The following TLR1 variants were observed in gnomAD, a reference collection of about 807,000 sequenced individuals.
The protein encoded by TLR1 is toll-like receptor 1.
In TLR1, 19 loss-of-function variants were observed where a neutral mutation model predicts 20.2. That is an observed-to-expected ratio of 0.94 (90% confidence interval 0.66 to 1.38). The LOEUF is 1.38. Ranked by LOEUF, TLR1 falls within the 40% of genes most tolerant of loss-of-function variation. The pLI is 0.00. For synonymous variants in TLR1, 320 were observed against 334.5 expected (o/e 0.96, Z 0.47); for missense variants, 921 against 910.0 (o/e 1.01, Z -0.16).
chr4:38,790,509 C>T (rs1194606195), downstream of TLR1, among the ~76,000 whole-genome samples: 2 of 152,050 alleles, frequency 1.3e-5, no homozygotes, highest in African/African-American at 4.8e-5. Flanking sequence ...TCTCTGGAAG[C>T]TTTTACTATT....
rs149065118 is a variant in TLR1, at chr4:38,797,138, G to C, written c.1694C>G (p.Thr565Ser). The C allele has an allele frequency of 2.0e-4, 326 of 1,614,198 alleles. 2 individuals carry two copies. The African/African-American group carries it at 3.7e-3, about 18-fold the overall frequency. Reference sequence around the variant, plus strand: ...AGACATGTGAAAGTCCTTTAGTAGGGTTCCTCTATAACTTTCCGGGTAGTC... The same window carrying C: ...AGACATGTGAAAGTCCTTTAGTAGGCTTCCTCTATAACTTTCCGGGTAGTC... Reference protein sequence around the residue: ...KCDYPESYRGTLLKDFHMSEL... With the variant: ...KCDYPESYRGSLLKDFHMSEL... Residue 565 changes from threonine to serine, a missense_variant, in exon 4 of 4, where the codon ACC (threonine) becomes AGC (serine). Coordinates refer to ENST00000308979, the MANE Select transcript of TLR1 (RefSeq NM_003263.4).
At chr4:38,800,341 T>C (rs757458681) in intron 3 of TLR1, 1 of 152,224 alleles carries the variant, frequency 6.6e-6, no homozygotes, top group Non-Finnish European at 1.5e-5. Flanking sequence ...CCAAAAATGA[T>C]GAGAGGGTGG....
In TLR1 at chr4:38,796,535, C is replaced by T. The variant is rs1255138533; in HGVS notation, c.2297G>A (p.Gly766Asp). Residue 766 changes from glycine (G) to aspartate (D), a missense_variant, in exon 4 of 4, where the codon GGC becomes GAC. Physicochemically the swap from Gly to Asp is moderately conservative, Grantham distance 94. Coordinates refer to ENST00000308979, the MANE Select transcript of TLR1 (RefSeq NM_003263.4). ...TGCCCTTAAGTTAGCCCAAAAAAGG[C>T]CACGTTTGCTCTTTTCCTTGGGCCA... The part of the protein sequence containing the change: ...LEWPKEKSKR[G>D]LFWANLRAAI... 6.2e-7 allele frequency: 1 copy of T among 1,614,126 alleles called. No individual in the cohort carries two copies. Among genetic ancestry groups the T allele is most frequent in the Non-Finnish European group, 8.5e-7 (1 of 1,179,994 alleles).
Position 38,798,683 on chromosome 4 carries a change from A to G in TLR1, c.149T>C (p.Leu50Ser). The G allele has an allele frequency of 6.2e-7, 1 of 1,614,072 alleles. No homozygotes were observed. The highest frequency in any genetic ancestry group is 1.1e-5 in the South Asian group (1 of 91,054). The part of the protein sequence containing the change: ...PKDLSQKTTI[L>S]NISQNYISEL... ...AGATATATAATTTTGCGATATATTT[A>G]AGATTGTTGTTTTCTGGGATAGGTC... The change falls in exon 4 of 4, where the codon TTA (leucine) becomes TCA (serine). Residue 50 changes from leucine to serine, a missense_variant. Leu to Ser is a moderately radical substitution (Grantham distance 145). Transcript: ENST00000308979.
chr4:38,797,521 G>A lies in TLR1; in HGVS notation c.1311C>T (p.Asp437=). The A allele has an allele frequency of 2.5e-6, 4 of 1,614,130 alleles. No homozygotes were observed. The highest frequency in any genetic ancestry group is 3.4e-6 in the Non-Finnish European group (4 of 1,180,030). ...TGGGAGGTAAACATCTGAAAATAGT[G>A]TCAGTAAGTATATTTGAAGACATAT... ...SLNMSSNILT[D]TIFRCLPPRI... Residue 437 remains aspartate, a synonymous_variant, in exon 4 of 4, where the codon GAC becomes GAT. Transcript: ENST00000308979.
chr4:38,798,967 G>T, intron 3 of TLR1, 69 bp from the exon 4 acceptor site: 1 of 814,616 alleles, frequency 1.2e-6, no homozygotes. Context: ...ATTAGTCATG[G>T]CTGACATTAA....
chr4:38,799,742 T>C (rs1159800447), intron 3 of TLR1, among the ~76,000 whole-genome samples: 4 of 152,230 alleles, frequency 2.6e-5, no homozygotes, highest in Non-Finnish European at 4.4e-5. Flanking sequence ...TTATGACCTA[T>C]ACACGGTTTG....
At chr4:38,804,535 G>A (rs1379655246) in intron 1 of TLR1, among the ~76,000 whole-genome samples, 153 bp from the exon 2 acceptor site, 1 of 152,142 alleles carries the variant, frequency 6.6e-6, no homozygotes. Flanking sequence ...AATCACACAC[G>A]AGGTGTTATT....
intron 3 of TLR1, among the ~76,000 whole-genome samples, chr4:38,799,638 A>G (rs1726493912): frequency 2.0e-5 from 3 of 152,206 alleles, no homozygotes; most frequent in Admixed American, 2.0e-4. Context: ...CTAAGACTCA[A>G]CTGGTGTACT....
chr4:38,788,795 C>T (rs891179062), downstream of TLR1, among the ~76,000 whole-genome samples: 2 of 152,058 alleles, frequency 1.3e-5, no homozygotes, highest in African/African-American at 4.8e-5. Flanking sequence ...TCCTTTGAAG[C>T]CAGGAGTTCA....
At chr4:38,792,085 T>G (rs1040842654), downstream of TLR1, among the ~76,000 whole-genome samples, 3 of 152,240 alleles carry the variant, frequency 2.0e-5, no homozygotes, top group African/African-American at 7.2e-5. Flanking sequence ...ATGCCCATTT[T>G]ATAGATGAGA....
In TLR1 at chr4:38,796,588, A is replaced by T; in HGVS notation, c.2244T>A (p.Ser748Arg). Residue 748 changes from serine to arginine, a missense_variant, in exon 4 of 4, where the codon AGT (serine) becomes AGA (arginine). Transcript: ENST00000308979. ...CCAAATAAGTCCTCCTGGCCATGAG[A>T]CTTTTGAGCTTGTGATAACTGCTAG... Reference protein sequence around the residue: ...SIPSSYHKLKSLMARRTYLEW... With the variant: ...SIPSSYHKLKRLMARRTYLEW... 1 of 1,614,104 alleles carries T rather than the reference A, an allele frequency of 6.2e-7. No homozygotes were observed. Among genetic ancestry groups the T allele is most frequent in the Non-Finnish European group, 8.5e-7 (1 of 1,180,010 alleles).
rs201490388 is a variant in TLR1, at chr4:38,797,991, C to T, written c.841G>A (p.Val281Met). Reference sequence around the variant, plus strand: ...AAGTCCAGCTGACCCTGTAGCTTCACGTTTGAAATTGAGAAATACCATACA... The same window carrying T: ...AAGTCCAGCTGACCCTGTAGCTTCATGTTTGAAATTGAGAAATACCATACA... ...TTVWYFSISN[V>M]KLQGQLDFRD... The change falls in exon 4 of 4, where the codon GTG (valine) becomes ATG (methionine). Residue 281 changes from valine to methionine, a missense_variant. By Grantham distance (21) the Val-to-Met change is conservative. Transcript: ENST00000308979. The T allele has an allele frequency of 5.3e-5, 85 of 1,614,048 alleles. No homozygotes were observed. In the Middle Eastern group the frequency reaches 1.2e-3, roughly 22 times the overall value.
downstream of TLR1, among the ~76,000 whole-genome samples, chr4:38,795,644 T>C (rs4833094): frequency 0.067 from 10,148 of 152,212 alleles, 889 homozygotes; most frequent in Admixed American, 0.2. Context: ...CTGGGCTCCC[T>C]CATAAGCAGC....
Position 38,796,357 on chromosome 4 carries a change from C to A in TLR1, c.*114G>T. On this transcript the variant is annotated 3_prime_UTR_variant, in exon 4 of 4. Coordinates refer to ENST00000308979, the MANE Select transcript of TLR1 (RefSeq NM_003263.4). ...ACCCGAAGGTATATATTTTTACCTA[C>A]ATCATACACTCACAATTGTGTTTAC... is the stretch of plus-strand genomic sequence containing the variant. The A allele has an allele frequency of 8.4e-7, 1 of 1,192,132 alleles. No homozygotes were observed. The highest frequency in any genetic ancestry group is 1.6e-5 in the South Asian group (1 of 64,058). 73.8% of individuals were successfully genotyped at this position (1,192,132 alleles called of 1,614,324 possible). A position where few individuals can be genotyped will look rare whatever the true frequency, so the allele number is the denominator to read the frequency against.
In TLR1 at chr4:38,797,123, A is replaced by T; in HGVS notation, c.1709T>A (p.Phe570Tyr). 1 of 1,614,232 alleles carries T rather than the reference A, an allele frequency of 6.2e-7. No individual in the cohort carries two copies. The highest frequency in any genetic ancestry group is 8.5e-7 in the Non-Finnish European group (1 of 1,180,046). The change falls in exon 4 of 4, where the codon TTT (phenylalanine) becomes TAT (tyrosine). Residue 570 changes from phenylalanine to tyrosine, a missense_variant. Physicochemically the swap from Phe to Tyr is conservative, Grantham distance 22 (BLOSUM62 3). Coordinates refer to ENST00000308979, the MANE Select transcript of TLR1 (RefSeq NM_003263.4). ...GTTGCAGGATAATTCAGACATGTGA[A>T]AGTCCTTTAGTAGGGTTCCTCTATA... ...ESYRGTLLKD[F>Y]HMSELSCNIT...
rs772011099 is a variant in TLR1, at chr4:38,798,201, T to C, written c.631A>G (p.Lys211Glu). 6.2e-7 allele frequency: 1 copy of C among 1,614,060 alleles called. No individual in the cohort carries two copies. The highest frequency in any genetic ancestry group is 1.1e-5 in the South Asian group (1 of 91,074). Residue 211 changes from lysine (K) to glutamate (E), a missense_variant, in exon 4 of 4, where the codon AAG becomes GAG. Coordinates refer to ENST00000308979, the MANE Select transcript of TLR1 (RefSeq NM_003263.4). ...GATAGTTCCAGATTTGCTACAGTCT[T>C]GACTGACACATCCAAAATAAAATGG... The part of the protein sequence containing the change: ...EFHFILDVSV[K>E]TVANLELSNI...
At position 38,798,179 on chromosome 4, in the gene TLR1, A is replaced by G; in HGVS notation, c.653T>C (p.Leu218Pro). ...VSVKTVANLE[L>P]SNIKCVLEDN... ...TTCTAGCACACATTTGATATTAGAT[A>G]GTTCCAGATTTGCTACAGTCTTGAC... The change falls in exon 4 of 4, where the codon CTA (leucine) becomes CCA (proline). Residue 218 changes from leucine to proline, a missense_variant. By Grantham distance (98) the Leu-to-Pro change is moderately conservative (BLOSUM62 -3). Coordinates refer to ENST00000308979, the MANE Select transcript of TLR1 (RefSeq NM_003263.4). 1 of 1,614,096 alleles carries G rather than the reference A, an allele frequency of 6.2e-7. No homozygotes were observed. Among genetic ancestry groups the G allele is most frequent in the Non-Finnish European group, 8.5e-7 (1 of 1,179,966 alleles).
At chr4:38,805,565 G>T (rs527845121), upstream of TLR1, 5 of 152,218 alleles carry the variant, frequency 3.3e-5, no homozygotes, top group East Asian at 9.6e-4. Context: ...CAATAAATGG[G>T]CAAATAAAGC....
Sources: allele counts gnomAD v4.1 joint callset (sites outside exome capture counted in the v4.1 genomes callset), GRCh38; gene constraint gnomAD v4.1.1; transcripts MANE v1.5; gene names NCBI Gene and HGNC (gene_info 2026-07-23, HGNC 2026-07-21).